C12orf56: variants seen among roughly 807,000 people sequenced by gnomAD.
C12orf56 encodes uncharacterized protein C12orf56.
C12orf56 carries 71 observed loss-of-function variants against 69.9 expected under a neutral mutation model. That is an observed-to-expected ratio of 1.02 (90% CI 0.84 to 1.24). The LOEUF is 1.24. Among genes scored for constraint, C12orf56 ranks in the 50% most tolerant of loss-of-function variants. The pLI, the probability that C12orf56 is intolerant of heterozygous loss-of-function variation, is 0.00. For missense variants in C12orf56, 732 were observed against 738.5 expected, an observed-to-expected ratio of 0.99 and a Z score of 0.10; for synonymous variants, 276 against 274.1, an observed-to-expected ratio of 1.01 and a Z score of -0.07.
chr12:64,365,955 G>A (rs1178914397), intron 1 of C12orf56, among the ~76,000 whole-genome samples: 1 of 127,044 alleles, frequency 7.9e-6, no homozygotes, highest in Admixed American at 8.7e-5. Context: ...ATTATATATT[G>A]TATATAGTGT....
At chr12:64,368,970 T>C (rs2135970646) in intron 1 of C12orf56, among the ~76,000 whole-genome samples, 1 of 152,198 alleles carries the variant, frequency 6.6e-6, no homozygotes. Context: ...TCCTTCAGGC[T>C]GAAATAAAAG....
intron 2 of C12orf56, among the ~76,000 whole-genome samples, chr12:64,341,122 G>A (rs1320999078): frequency 1.3e-5 from 2 of 152,196 alleles, no homozygotes; most frequent in South Asian, 4.1e-4. Context: ...GGAGCCCAAT[G>A]TGTCCAGGTG....
intron 4 of C12orf56, among the ~76,000 whole-genome samples, chr12:64,313,805 GA>G: frequency 6.6e-6 from 1 of 151,638 alleles, no homozygotes; most frequent in Non-Finnish European, 1.5e-5. Flanking sequence ...AGCATTTTGG[GA>G]GGCCAAGGTG....
chr12:64,270,590 C>T lies in C12orf56; in HGVS notation c.1709G>A (p.Arg570Gln), dbSNP rs202117720. ...QQFYILKSCL[R>Q]HSRTLAEYIR... ...ATACTCAGCTAGAGTCCTGCTGTGC[C>T]GCAGACAGCTCTTGAGGATGTAAAA... is the stretch of plus-strand genomic sequence containing the variant. The change falls in exon 12 of 13, where the codon CGG becomes CAG. Residue 570 changes from arginine (R) to glutamine (Q), a missense_variant. Physicochemically the swap from Arg to Gln is conservative, Grantham distance 43. Transcript: ENST00000543942. 4.5e-5 allele frequency: 72 copies of T among 1,612,922 alleles called. No individual in the cohort carries two copies. Among genetic ancestry groups the T allele is most frequent in the Non-Finnish European group, 5.7e-5 (67 of 1,179,526 alleles).
intron 1 of C12orf56, among the ~76,000 whole-genome samples, chr12:64,380,529 T>TG (rs2039706646): frequency 6.6e-6 from 1 of 152,152 alleles, no homozygotes; most frequent in African/African-American, 2.4e-5. Flanking sequence ...ACATTTACCA[T>TG]GGGAGATAGA....
intron 2 of C12orf56, among the ~76,000 whole-genome samples, chr12:64,347,110 G>A (rs920782482): frequency 2.6e-5 from 4 of 151,556 alleles, no homozygotes; most frequent in Non-Finnish European, 5.9e-5. Flanking sequence ...CAAGGAGCTG[G>A]GACTACAGGT....
intron 5 of C12orf56, among the ~76,000 whole-genome samples, chr12:64,307,454 C>T (rs2038530086): frequency 7.0e-6 from 1 of 143,010 alleles, no homozygotes; most frequent in African/African-American, 2.6e-5. Context: ...ACTGCAACTT[C>T]TACCTCCCAG....
rs115815918 is a variant in C12orf56 at position 64,375,518 on chromosome 12, T to C, written c.252+14796A>G. On this transcript the variant is annotated intron_variant, in intron 1 of 12. Coordinates refer to ENST00000543942, the MANE Select transcript of C12orf56 (RefSeq NM_001170633.2). The stretch of plus-strand genomic sequence containing the variant: ...ATTTGACCCAGGAACTGCTAACAAG[T>C]GTACAGTGTAGTGGTGGTTCAAGAA... Among the ~76,000 whole-genome samples the C allele has an allele frequency of 7.2e-3, 1,098 of 152,276 alleles. 20 individuals carry two copies. The highest frequency in any genetic ancestry group is 0.024 in the African/African-American group (1,005 of 41,548).
intron 1 of C12orf56, among the ~76,000 whole-genome samples, chr12:64,375,427 A>G (rs1294535046): frequency 6.6e-6 from 1 of 152,202 alleles, no homozygotes; most frequent in Non-Finnish European, 1.5e-5. Flanking sequence ...CTTTTTGAGC[A>G]ATTTTCTTAT....
intron 1 of C12orf56, among the ~76,000 whole-genome samples, chr12:64,368,271 GGAGA>G (rs2039525324): frequency 6.6e-6 from 1 of 152,104 alleles, no homozygotes; most frequent in South Asian, 2.1e-4. Flanking sequence ...CCCAGCCTAA[GGAGA>G]GAGACTGTAC....
intron 12 of C12orf56, among the ~76,000 whole-genome samples, chr12:64,269,289 G>A (rs1425387741): frequency 1.3e-5 from 2 of 152,092 alleles, no homozygotes; most frequent in African/African-American, 4.8e-5. Context: ...TTAAGTCAGA[G>A]ACAACCTGGG....
At chr12:64,304,124 T>A (rs1430274840) in intron 5 of C12orf56, among the ~76,000 whole-genome samples, 1 of 152,108 alleles carries the variant, frequency 6.6e-6, no homozygotes, top group Non-Finnish European at 1.5e-5. Flanking sequence ...CTTTTTTTTT[T>A]AAGAAGTTTA....
At chr12:64,380,104 C>CAAAAAAAAAAAAAAAAAAA (rs60079906) in intron 1 of C12orf56, among the ~76,000 whole-genome samples, 27 of 49,978 alleles carry the variant, frequency 5.4e-4, no homozygotes, top group East Asian at 1.7e-3. Context: ...GACTCCGTCG[C>CAAAAAAAAAAAAAAAAAAA]AAAAAAAAAA....
At chr12:64,284,429 A>C (rs940337857) in intron 8 of C12orf56, among the ~76,000 whole-genome samples, 1 of 152,234 alleles carries the variant, frequency 6.6e-6, no homozygotes, top group East Asian at 1.9e-4. Flanking sequence ...TAGGACAAAA[A>C]AAAATTATGC....
chr12:64,384,141 G>A (rs1043899052), intron 1 of C12orf56, among the ~76,000 whole-genome samples: 4 of 152,192 alleles, frequency 2.6e-5, no homozygotes, highest in Admixed American at 6.5e-5. Context: ...AAGGAACTGA[G>A]GCAGAGAGAA....
intron 12 of C12orf56, among the ~76,000 whole-genome samples, chr12:64,268,979 T>C (rs930268154): frequency 6.6e-5 from 10 of 151,934 alleles, no homozygotes; most frequent in Admixed American, 6.6e-4. Context: ...CTACTAAAAA[T>C]ACAAAAATTA....
At chr12:64,314,034 ACT>A (rs1307614322) in intron 4 of C12orf56, among the ~76,000 whole-genome samples, 7 of 137,830 alleles carry the variant, frequency 5.1e-5, no homozygotes, top group South Asian at 4.6e-4. Context: ...CAAGAGCAAA[ACT>A]CTGTCTCAAA....
At chr12:64,382,899 A>C (rs567028254) in intron 1 of C12orf56, among the ~76,000 whole-genome samples, 75 of 152,094 alleles carry the variant, frequency 4.9e-4, no homozygotes, top group African/African-American at 1.7e-3. Flanking sequence ...TATAACTGAA[A>C]GAGTGAAAGA....
chr12:64,316,892 A>C (rs954825976), intron 4 of C12orf56, among the ~76,000 whole-genome samples: 1 of 152,254 alleles, frequency 6.6e-6, no homozygotes, highest in Non-Finnish European at 1.5e-5. Context: ...ATAGCTTAGC[A>C]GGTAATGAGT....
Sources: gnomAD v4.1 joint callset for allele counts (sites outside exome capture counted in the v4.1 genomes callset) on GRCh38, gnomAD v4.1.1 for gene constraint, MANE v1.5 for transcripts, NCBI Gene and HGNC (gene_info 2026-07-23, HGNC 2026-07-21) for gene names.